Variants in PHF20L1 observed in about 807,000 individuals in gnomAD.
PHF20L1 encodes the protein PHD finger protein 20 like 1, also known as PHD finger protein 20-like protein 1.
PHF20L1 carries 44 observed loss-of-function variants against 125.5 expected under a neutral mutation model. The ratio of observed to expected loss-of-function variants is 0.35; its 90% confidence interval spans 0.28 to 0.45. PHF20L1 has a LOEUF of 0.45. Ranked by LOEUF, PHF20L1 falls within the 20% of genes least tolerant of loss-of-function variation. The pLI is 1.00. For synonymous variants in PHF20L1, 380 were observed against 403.1 expected, an observed-to-expected ratio of 0.94 and a Z score of 0.69; for missense variants, 1,012 against 1,217.2, an observed-to-expected ratio of 0.83 and a Z score of 2.51.
intron 2 of PHF20L1, among the ~76,000 whole-genome samples, chr8:132,784,826 A>G (rs1011671120): frequency 1.3e-5 from 2 of 152,138 alleles, no homozygotes; most frequent in Non-Finnish European, 2.9e-5. Flanking sequence ...GTTTCTGACC[A>G]ATTGTAGTTG....
At chr8:132,799,204 G>A in intron 6 of PHF20L1, 32 bp downstream of exon 6, 1 of 1,353,858 alleles carries the variant, frequency 7.4e-7, no homozygotes, top group Non-Finnish European at 1.0e-6. Context: ...ATTTTGTTTT[G>A]TTTTTCCTGG....
chr8:132,787,063 T>G (rs1006880566), intron 2 of PHF20L1, among the ~76,000 whole-genome samples: 10 of 151,780 alleles, frequency 6.6e-5, no homozygotes, highest in Admixed American at 6.6e-4. Context: ...GAAAAAACTG[T>G]ATGAAGTTCG....
At chr8:132,819,740 G>C (rs1835373860) in intron 12 of PHF20L1, among the ~76,000 whole-genome samples, 1 of 151,162 alleles carries the variant, frequency 6.6e-6, no homozygotes, top group African/African-American at 2.4e-5. Context: ...ATGTTTTGTT[G>C]GTGTCCATAT....
chr8:132,812,868 G>C, intron 9 of PHF20L1: 1 of 981,206 alleles, frequency 1.0e-6, no homozygotes, highest in South Asian at 4.7e-5. Flanking sequence ...AAAACTTACT[G>C]TGCTAATGGA....
chr8:132,811,794 C>G (rs1834420983), intron 9 of PHF20L1: 1 of 984,154 alleles, frequency 1.0e-6, no homozygotes, highest in African/African-American at 1.7e-5. Context: ...CACTGTAAGA[C>G]TATAAGAACG....
intron 8 of PHF20L1, chr8:132,807,800 A>G (rs376794571): frequency 1.1e-4 from 50 of 453,416 alleles, no homozygotes; most frequent in African/African-American, 7.8e-4. Context: ...GGAACTGATG[A>G]CTATTTGATA....
In PHF20L1 at chr8:132,777,590, T is replaced by C. The variant is rs763386268; in HGVS notation, c.-37-202T>C. On this transcript the variant is annotated intron_variant, in intron 1 of 20. Transcript: ENST00000395386. ...CTTTGTTCTTTTTCTTAAATCATTA[T>C]CAAGATTGCCTGCAGATTGCACAGA... Among the ~76,000 whole-genome samples the C allele has an allele frequency of 2.0e-5, 3 of 152,240 alleles. No individual in the cohort carries two copies. The South Asian group carries it at 6.2e-4, about 31-fold the overall frequency.
At chr8:132,807,794 C>G (rs912314530) in intron 8 of PHF20L1, 1 of 454,644 alleles carries the variant, frequency 2.2e-6, no homozygotes, top group African/African-American at 2.0e-5. Flanking sequence ...GTGGGTGGAA[C>G]TGATGACTAT....
intron 14 of PHF20L1, among the ~76,000 whole-genome samples, chr8:132,829,254 A>T (rs1369645466): frequency 1.3e-5 from 2 of 152,020 alleles, no homozygotes; most frequent in Non-Finnish European, 2.9e-5. Context: ...TATATAATGG[A>T]GTTGATAAGA....
At chr8:132,837,232 T>G (rs1465599110) in intron 16 of PHF20L1, among the ~76,000 whole-genome samples, 1 of 152,090 alleles carries the variant, frequency 6.6e-6, no homozygotes, top group Non-Finnish European at 1.5e-5. Context: ...TTTGGAGATG[T>G]TAGTTGAGAG....
intron 17 of PHF20L1, 136 bp from the exon 18 acceptor site, chr8:132,839,251 G>T: frequency 4.5e-6 from 3 of 667,298 alleles, no homozygotes; most frequent in Non-Finnish European, 5.3e-6. Flanking sequence ...TCCTCAGAAC[G>T]CTGTCTTACT....
intron 2 of PHF20L1, among the ~76,000 whole-genome samples, chr8:132,784,551 G>C (rs1199667988): frequency 1.3e-5 from 2 of 151,816 alleles, no homozygotes; most frequent in African/African-American, 4.8e-5. Context: ...ACACAAACTT[G>C]AGGCAGAGGT....
At chr8:132,825,187 T>C in intron 13 of PHF20L1, 77 bp from the exon 14 acceptor site, 1 of 1,571,900 alleles carries the variant, frequency 6.4e-7, no homozygotes, top group South Asian at 1.1e-5. Flanking sequence ...AAAACATAAA[T>C]GCTGCTTTTA....
At chr8:132,791,930 G>C (rs1196735197) in intron 2 of PHF20L1, among the ~76,000 whole-genome samples, 3 of 152,170 alleles carry the variant, frequency 2.0e-5, no homozygotes, top group Non-Finnish European at 1.5e-5. Context: ...AAAACCGTAA[G>C]TCGCTTTAAA....
intron 8 of PHF20L1, chr8:132,807,004 A>G (rs1833789684): frequency 1.3e-5 from 2 of 152,084 alleles, no homozygotes; most frequent in South Asian, 4.1e-4. Flanking sequence ...ATTTCTGTAT[A>G]GAGAATGTTA....
Position 132,848,187 on chromosome 8 carries a change from A to T in PHF20L1, c.*2264A>T, listed in dbSNP as rs958194352. 8.5e-5 allele frequency: 13 copies of T among 152,090 alleles called. No homozygotes were observed. Among genetic ancestry groups the T allele is most frequent in the African/African-American group, 3.1e-4 (13 of 41,436 alleles). 9.4% of individuals were successfully genotyped at this position (152,090 alleles called of 1,614,324 possible). On this transcript the variant is annotated 3_prime_UTR_variant, in exon 21 of 21. Coordinates refer to ENST00000395386, the MANE Select transcript of PHF20L1 (RefSeq NM_016018.5). ...AGATCAATTTATTTGTTAGCCAGCA[A>T]ATTGAAAATTCCATTATTAGATTAA...
intron 6 of PHF20L1, among the ~76,000 whole-genome samples, chr8:132,801,630 TA>T (rs1391560323): frequency 1.3e-5 from 2 of 151,718 alleles, no homozygotes; most frequent in African/African-American, 2.4e-5. Context: ...CTATAGTTAT[TA>T]AAAATGTGTT....
chr8:132,825,458 G>T (rs1484428681), intron 14 of PHF20L1, 87 bp downstream of exon 14: 1 of 1,104,678 alleles, frequency 9.1e-7, no homozygotes. Flanking sequence ...ATGGAGTCAT[G>T]ACACGATCCC....
At chr8:132,781,514 C>T (rs79309569) in intron 2 of PHF20L1, among the ~76,000 whole-genome samples, 1,816 of 152,252 alleles carry the variant, frequency 0.012, 30 homozygotes, top group African/African-American at 0.038. Context: ...CTGCAACCTC[C>T]GCCTCTCAGG....
Sources: gnomAD v4.1 joint callset for allele counts (sites outside exome capture counted in the v4.1 genomes callset) on GRCh38, gnomAD v4.1.1 for gene constraint, MANE v1.5 for transcripts, NCBI Gene and HGNC (gene_info 2026-07-23, HGNC 2026-07-21) for gene names.